The following TRIM33 variants were observed in gnomAD, a reference collection of about 807,000 sequenced individuals.
TRIM33 encodes the protein tripartite motif containing 33, also known as E3 ubiquitin-protein ligase TRIM33.
Under a neutral mutation model 125.4 loss-of-function variants are expected in TRIM33, and 20 were observed. The observed-to-expected ratio is 0.16, with a 90% confidence interval of 0.11 to 0.23. TRIM33 has a LOEUF of 0.23. Among genes scored for constraint, TRIM33 ranks in the 10% least tolerant of loss-of-function variants. TRIM33 has a pLI of 1.00. For missense variants in TRIM33, 920 were observed against 1,411.4 expected (o/e 0.65, Z 5.58); for synonymous variants, 564 against 513.9 (o/e 1.10, Z -1.32).
chr1:114,461,489 G>A (rs942815588), intron 4 of TRIM33, among the ~76,000 whole-genome samples: 1 of 151,336 alleles, frequency 6.6e-6, no homozygotes, highest in African/African-American at 2.4e-5. Flanking sequence ...CAGTCAATAT[G>A]AGGGGAAACT....
intron 1 of TRIM33, among the ~76,000 whole-genome samples, chr1:114,477,744 A>G (rs1651063438): frequency 6.6e-6 from 1 of 152,238 alleles, no homozygotes; most frequent in Admixed American, 6.5e-5. Context: ...TCAATACAAC[A>G]CTGGCCACTG....
chr1:114,405,335 T>C lies in TRIM33; in HGVS notation c.2768+75A>G, dbSNP rs1211878712. On this transcript the variant is annotated intron_variant, in intron 15 of 19. Transcript: ENST00000358465. ...ACTATGCACTGGTTAGAAGGCCATC[T>C]GCCCTGAACATTCTTCTGTTATTTA... 6 of 1,172,904 alleles carry C rather than the reference T, an allele frequency of 5.1e-6. No individual in the cohort carries two copies. In the African/African-American group the frequency reaches 9.2e-5, roughly 18 times the overall value. 72.7% of individuals were successfully genotyped at this position (1,172,904 alleles called of 1,614,324 possible).
intron 1 of TRIM33, among the ~76,000 whole-genome samples, chr1:114,509,625 G>A (rs1354861329): frequency 2.0e-5 from 3 of 152,192 alleles, no homozygotes; most frequent in Non-Finnish European, 2.9e-5. Flanking sequence ...GTAGAAGGGT[G>A]TCCTGTGCCC....
chr1:114,485,386 A>C lies in TRIM33; in HGVS notation c.527-20998T>G, dbSNP rs77229936. 3.1e-3 allele frequency among the ~76,000 whole-genome samples: 469 copies of C among 152,276 alleles called. 1 individual carries two copies. Among genetic ancestry groups the C allele is most frequent in the African/African-American group, 6.2e-3 (258 of 41,554 alleles). Reference sequence around the variant, plus strand: ...CTACTCCCACCTGGCAATAATAAGGAATAAGGGGGTAAGAGACCAGGCAAA... The same window carrying C: ...CTACTCCCACCTGGCAATAATAAGGCATAAGGGGGTAAGAGACCAGGCAAA... On this transcript the variant is annotated intron_variant, in intron 1 of 19. Transcript: ENST00000358465.
chr1:114,418,257 G>A (rs1489243052), intron 11 of TRIM33, among the ~76,000 whole-genome samples: 6 of 152,154 alleles, frequency 3.9e-5, no homozygotes, highest in East Asian at 1.9e-4. Context: ...GGAAACCACC[G>A]CCATGATCCA....
chr1:114,440,533 T>C (rs1184265092), intron 4 of TRIM33, among the ~76,000 whole-genome samples: 1 of 152,250 alleles, frequency 6.6e-6, no homozygotes, highest in East Asian at 1.9e-4. Flanking sequence ...ACAGCTAAAA[T>C]GTTCAGGCAA....
chr1:114,500,696 C>T (rs1005733842), intron 1 of TRIM33, among the ~76,000 whole-genome samples: 5 of 150,196 alleles, frequency 3.3e-5, no homozygotes, highest in Non-Finnish European at 7.4e-5. Flanking sequence ...AGTGAAATTA[C>T]CTTAATGAAC....
intron 1 of TRIM33, among the ~76,000 whole-genome samples, chr1:114,490,084 CAAAAAA>C (rs776451339): frequency 5.3e-5 from 2 of 37,644 alleles, no homozygotes; most frequent in Non-Finnish European, 1.0e-4. Flanking sequence ...GACTCCGTCT[CAAAAAA>C]AAAAAAAAAA....
rs1033823728 is a variant in TRIM33 at position 114,397,014 on chromosome 1, G to A, written c.*634C>T. The A allele has an allele frequency of 4.6e-6, 1 of 218,634 alleles. No homozygotes were observed. Among genetic ancestry groups the A allele is most frequent in the African/African-American group, 2.2e-5 (1 of 44,526 alleles). 13.5% of individuals were successfully genotyped at this position (218,634 alleles called of 1,614,324 possible). ...GTTGATTAAATGATAACTAGTGGTA[G>A]TGTTTCCTAAACCCTAAGTATGAGT... On this transcript the variant is annotated 3_prime_UTR_variant, in exon 20 of 20. Coordinates refer to ENST00000358465, the MANE Select transcript of TRIM33 (RefSeq NM_015906.4).
intron 15 of TRIM33, among the ~76,000 whole-genome samples, chr1:114,404,083 A>G (rs1652078114): frequency 1.3e-5 from 2 of 152,208 alleles, no homozygotes; most frequent in South Asian, 4.1e-4. Context: ...ATGGAGATAT[A>G]TAGAGAGATA....
In TRIM33 at chr1:114,502,787, A is replaced by T. The variant is rs1292685758; in HGVS notation, c.526+7764T>A. ...CTTCGAAAGTGCTGGGATTATAGGC[A>T]TGAGCCACCATGTCCGGCACGACAG... On this transcript the variant is annotated intron_variant, in intron 1 of 19. Coordinates refer to ENST00000358465, the MANE Select transcript of TRIM33 (RefSeq NM_015906.4). Among the ~76,000 whole-genome samples, 3 of 152,184 alleles carry T rather than the reference A, an allele frequency of 2.0e-5. No individual in the cohort carries two copies. In the East Asian group the frequency reaches 5.8e-4, roughly 29 times the overall value.
chr1:114,504,649 A>G lies in TRIM33; in HGVS notation c.526+5902T>C, dbSNP rs560814018. Among the ~76,000 whole-genome samples the G allele has an allele frequency of 2.2e-4, 34 of 152,338 alleles. 1 individual carries two copies. In the South Asian group the frequency reaches 6.8e-3, roughly 31 times the overall value. ...AGCATTCTGTGGCCCACACTTTGAG[A>G]ATCACTGCTTTAAGGTATTCTCATT... On this transcript the variant is annotated intron_variant, in intron 1 of 19. Coordinates refer to ENST00000358465, the MANE Select transcript of TRIM33 (RefSeq NM_015906.4).
chr1:114,470,358 T>C (rs1306931658), intron 1 of TRIM33, among the ~76,000 whole-genome samples: 1 of 152,216 alleles, frequency 6.6e-6, no homozygotes, highest in Non-Finnish European at 1.5e-5. Context: ...ACTTATAAAT[T>C]ATTATTTATC....
At position 114,399,565 on chromosome 1, in the gene TRIM33, G is replaced by A. The variant is rs149497563; in HGVS notation, c.3012C>T (p.Ser1004=). 3 of 1,609,538 alleles carry A rather than the reference G, an allele frequency of 1.9e-6. No individual in the cohort carries two copies. In the African/African-American group the frequency reaches 4.0e-5, roughly 22 times the overall value. Residue 1004 remains serine, a synonymous_variant, in exon 18 of 20, where the codon TCC becomes TCT. Coordinates refer to ENST00000358465, the MANE Select transcript of TRIM33 (RefSeq NM_015906.4). ...TTTTCTGAAGCTTCTTTTTCACGGT[G>A]GATAAATCCATTGGTTTCTTTATAA... is the stretch of plus-strand genomic sequence containing the variant. ...YKIIKKPMDL[S]TVKKKLQKKH...
intron 1 of TRIM33, chr1:114,468,548 A>T: frequency 2.6e-6 from 1 of 391,056 alleles, no homozygotes; most frequent in East Asian, 7.4e-5. Flanking sequence ...TCTTTAATCA[A>T]AAGAAAAGAA....
At chr1:114,409,687 C>A (rs1435346581) in intron 12 of TRIM33, among the ~76,000 whole-genome samples, 2 of 152,068 alleles carry the variant, frequency 1.3e-5, no homozygotes, top group African/African-American at 4.8e-5. Context: ...TTACAAAGAA[C>A]AATCAAGAAA....
intron 1 of TRIM33, among the ~76,000 whole-genome samples, chr1:114,490,084 C>CAAA (rs776451339): frequency 5.6e-4 from 21 of 37,500 alleles, no homozygotes; most frequent in African/African-American, 1.4e-3. Context: ...GACTCCGTCT[C>CAAA]AAAAAAAAAA....
intron 1 of TRIM33, among the ~76,000 whole-genome samples, chr1:114,485,968 T>C (rs750541954): frequency 3.9e-5 from 6 of 152,160 alleles, no homozygotes; most frequent in Non-Finnish European, 7.4e-5. Context: ...GGAACCATTA[T>C]GAAAATGCTT....
At chr1:114,459,149 G>A (rs1649797463) in intron 4 of TRIM33, among the ~76,000 whole-genome samples, 1 of 152,136 alleles carries the variant, frequency 6.6e-6, no homozygotes, top group Non-Finnish European at 1.5e-5. Context: ...ACCAATGGCT[G>A]GGGACTCCCA....
Sources: gnomAD v4.1 joint callset for allele counts (sites outside exome capture counted in the v4.1 genomes callset) on GRCh38, gnomAD v4.1.1 for gene constraint, MANE v1.5 for transcripts, NCBI Gene and HGNC (gene_info 2026-07-23, HGNC 2026-07-21) for gene names.